RNFT2: variants seen among roughly 807,000 people sequenced by gnomAD.
RNFT2 encodes ring finger protein, transmembrane 2.
In RNFT2, 36 loss-of-function variants were observed where a neutral mutation model predicts 53.0. That is an observed-to-expected ratio of 0.68 (90% confidence interval 0.52 to 0.90). The LOEUF is 0.90. Ranked by LOEUF, RNFT2 falls within the 40% of genes least tolerant of loss-of-function variation. The probability of loss-of-function intolerance (pLI) is 0.00; values close to 1 mark genes in which losing one functional copy is unlikely to be tolerated. For missense variants in RNFT2, 514 were observed against 585.6 expected (o/e 0.88, Z 1.26); for synonymous variants, 260 against 253.2 (o/e 1.03, Z -0.26).
At chr12:116,813,814 A>G (rs1875504814) in intron 7 of RNFT2, among the ~76,000 whole-genome samples, 1 of 152,198 alleles carries the variant, frequency 6.6e-6, no homozygotes, top group South Asian at 2.1e-4. Context: ...CCAGACTTGG[A>G]GTCAAGCAGG....
Position 116,852,362 on chromosome 12 carries a change from C to T in RNFT2, c.*2914C>T, listed in dbSNP as rs2137234386. 7.9e-7 allele frequency: 1 copy of T among 1,264,208 alleles called. No individual in the cohort carries two copies. The allele number at this position is 1,264,208 out of a possible 1,614,324, so 78.3% of individuals were successfully genotyped here. A position where few individuals can be genotyped will look rare whatever the true frequency, so the allele number is the denominator to read the frequency against. On this transcript the variant is annotated 3_prime_UTR_variant, in exon 11 of 11. Transcript: ENST00000257575. Reference sequence around the variant, plus strand: ...GATTCAGGACATTTGCCCCTGTGTGCCACCAAACCAGGACTTTCCCCTTGG... The same window carrying T: ...GATTCAGGACATTTGCCCCTGTGTGTCACCAAACCAGGACTTTCCCCTTGG...
rs138713511 is a variant in RNFT2, at chr12:116,828,095, C to T, written c.883-5697C>T. ...CTTACCTGTCATGAGACCAGGCAGA[C>T]GAAGCAGGAGGCTGCCCACCAAGAT... is the stretch of plus-strand genomic sequence containing the variant. On this transcript the variant is annotated intron_variant, in intron 7 of 10. Coordinates refer to ENST00000257575, the MANE Select transcript of RNFT2 (RefSeq NM_001382266.1). Among the ~76,000 whole-genome samples the T allele has an allele frequency of 1.3e-3, 191 of 152,154 alleles. 1 individual carries two copies. Among genetic ancestry groups the T allele is most frequent in the Non-Finnish European group, 2.2e-3 (148 of 67,980 alleles).
Position 116,780,408 on chromosome 12 carries a change from T to C in RNFT2, c.882+1060T>C, listed in dbSNP as rs548385805. On this transcript the variant is annotated intron_variant, in intron 7 of 10. Transcript: ENST00000257575. ...CATCCCTCACATGTGCAGTTCACAA[T>C]ACGGTTCCCACTCCTAGGAGAATCT... Among the ~76,000 whole-genome samples, 34 of 152,300 alleles carry C rather than the reference T, an allele frequency of 2.2e-4. 1 individual carries two copies. Among genetic ancestry groups the C allele is most frequent in the Non-Finnish European group, 4.4e-4 (30 of 68,022 alleles).
intron 6 of RNFT2, among the ~76,000 whole-genome samples, chr12:116,776,026 GA>G (rs1873415218): frequency 6.6e-6 from 1 of 151,880 alleles, no homozygotes; most frequent in African/African-American, 2.4e-5. Flanking sequence ...CTGGGCAACA[GA>G]GCGAGACTCT....
At chr12:116,835,647 G>A (rs970663828) in intron 8 of RNFT2, among the ~76,000 whole-genome samples, 1 of 152,204 alleles carries the variant, frequency 6.6e-6, no homozygotes, top group Non-Finnish European at 1.5e-5. Context: ...TTATCAGGGT[G>A]GGCTGGGCTC....
chr12:116,852,610 C>G lies in RNFT2; in HGVS notation c.*3162C>G, dbSNP rs1877981072. ...AACCAAAGGGAAGCAACAGGAACTT[C>G]TGCAACTGGTTTTTATCGGAAAGAT... is the stretch of plus-strand genomic sequence containing the variant. On this transcript the variant is annotated 3_prime_UTR_variant, in exon 11 of 11. Transcript: ENST00000257575. 1 of 1,613,760 alleles carries G rather than the reference C, an allele frequency of 6.2e-7. No individual in the cohort carries two copies. The highest frequency in any genetic ancestry group is 1.7e-5 in the Admixed American group (1 of 59,994).
Position 116,835,957 on chromosome 12 carries a change from C to T in RNFT2, c.1033-3C>T. 6.2e-7 allele frequency: 1 copy of T among 1,614,016 alleles called. No individual in the cohort carries two copies. The highest frequency in any genetic ancestry group is 8.5e-7 in the Non-Finnish European group (1 of 1,179,890). On this transcript the variant is annotated splice_polypyrimidine_tract_variant and splice_region_variant and intron_variant, in intron 8 of 10. Transcript: ENST00000257575. ...TTCAGCCACCACCCTGCTCTCCTTT[C>T]AGTCCTTCGACATCTGTGGACGTGT...
intron 7 of RNFT2, among the ~76,000 whole-genome samples, chr12:116,782,805 G>T (rs1306263975): frequency 6.6e-6 from 1 of 152,128 alleles, no homozygotes; most frequent in East Asian, 1.9e-4. Flanking sequence ...AGCTCCTCCA[G>T]ACAGCTTTCT....
At chr12:116,739,868 C>T (rs1453340883) in intron 1 of RNFT2, among the ~76,000 whole-genome samples, 1 of 152,208 alleles carries the variant, frequency 6.6e-6, no homozygotes, top group Non-Finnish European at 1.5e-5. Context: ...CTTCCCCAAT[C>T]AGGACTCTTA....
intron 7 of RNFT2, among the ~76,000 whole-genome samples, chr12:116,803,261 C>T (rs546180451): frequency 2.6e-5 from 4 of 152,288 alleles, no homozygotes; most frequent in South Asian, 4.1e-4. Context: ...ACCGACACCA[C>T]CTGCCACGGG....
intron 7 of RNFT2, among the ~76,000 whole-genome samples, chr12:116,820,729 C>T (rs374118458): frequency 7.9e-5 from 12 of 152,176 alleles, no homozygotes; most frequent in South Asian, 6.2e-4. Flanking sequence ...ATTTAAATCC[C>T]GGCTCCACCA....
At chr12:116,796,845 A>G (rs146807588) in intron 7 of RNFT2, among the ~76,000 whole-genome samples, 2 of 152,336 alleles carry the variant, frequency 1.3e-5, no homozygotes, top group Non-Finnish European at 2.9e-5. Context: ...CTGGAATAAG[A>G]ACTTCGAGAA....
At chr12:116,754,763 T>G (rs998436690) in intron 5 of RNFT2, among the ~76,000 whole-genome samples, 17 of 152,384 alleles carry the variant, frequency 1.1e-4, no homozygotes, top group African/African-American at 3.8e-4. Flanking sequence ...TTTTCATGTT[T>G]GTTGGCCATT....
intron 6 of RNFT2, among the ~76,000 whole-genome samples, chr12:116,777,243 AC>A (rs1873471752): frequency 6.6e-6 from 1 of 152,056 alleles, no homozygotes; most frequent in African/African-American, 2.4e-5. Context: ...CACAGTACCT[AC>A]TTCATAGAGT....
At chr12:116,806,109 T>C (rs1875037335) in intron 7 of RNFT2, among the ~76,000 whole-genome samples, 1 of 152,110 alleles carries the variant, frequency 6.6e-6, no homozygotes, top group African/African-American at 2.4e-5. Flanking sequence ...GGCTGGGTGC[T>C]GAGGCTCATG....
rs773520494 is a variant in RNFT2 at position 116,820,702 on chromosome 12, C to T, written c.883-13090C>T. Among the ~76,000 whole-genome samples, 15 of 152,218 alleles carry T rather than the reference C, an allele frequency of 9.9e-5. No homozygotes were observed. In the South Asian group the frequency reaches 2.9e-3, roughly 30 times the overall value. ...TTTCTCAGAGTGGCACAAAGCCACT[C>T]TGGAAAATCAGGCTGGATTTAAATC... On this transcript the variant is annotated intron_variant, in intron 7 of 10. Transcript: ENST00000257575.
intron 7 of RNFT2, among the ~76,000 whole-genome samples, chr12:116,790,875 T>C (rs1234198547): frequency 6.6e-6 from 1 of 152,194 alleles, no homozygotes; most frequent in African/African-American, 2.4e-5. Context: ...GAGGATCACT[T>C]AAGCCTAATA....
At chr12:116,743,786 G>A (rs1235651241) in intron 3 of RNFT2, among the ~76,000 whole-genome samples, 1 of 152,118 alleles carries the variant, frequency 6.6e-6, no homozygotes, top group East Asian at 1.9e-4. Flanking sequence ...ACTGAGTTTT[G>A]TATGGTGCCT....
intron 6 of RNFT2, among the ~76,000 whole-genome samples, chr12:116,778,349 T>G (rs1242208320): frequency 2.0e-5 from 3 of 152,226 alleles, no homozygotes; most frequent in African/African-American, 7.2e-5. Flanking sequence ...CAGTGAGTTC[T>G]TGCTCTGGTA....
Sources: gnomAD v4.1 joint callset for allele counts (sites outside exome capture counted in the v4.1 genomes callset) on GRCh38, gnomAD v4.1.1 for gene constraint, MANE v1.5 for transcripts, NCBI Gene and HGNC (gene_info 2026-07-23, HGNC 2026-07-21) for gene names.